The following ERBB4 variants were observed in gnomAD, a reference collection of about 807,000 sequenced individuals.
The protein encoded by ERBB4 is receptor tyrosine-protein kinase erbB-4.
A neutral mutation model predicts 158.0 loss-of-function variants in ERBB4; 42 were observed. The ratio of observed to expected loss-of-function variants is 0.27; its 90% CI spans 0.21 to 0.34. The LOEUF (loss-of-function observed/expected upper bound fraction) is 0.34, where lower values mean the gene tolerates loss of function less well. Ranked by LOEUF, ERBB4 falls within the 10% of genes least tolerant of loss-of-function variation. ERBB4 has a pLI of 1.00. For missense variants in ERBB4, 1,333 were observed against 1,624.1 expected, an observed-to-expected ratio of 0.82 and a Z score of 3.08; for synonymous variants, 583 against 558.7, an observed-to-expected ratio of 1.04 and a Z score of -0.61.
chr2:211,736,921 TA>T (rs899944120), intron 5 of ERBB4, among the ~76,000 whole-genome samples: 5 of 152,074 alleles, frequency 3.3e-5, no homozygotes, highest in African/African-American at 4.8e-5. Context: ...AATATATTGA[TA>T]AAAAAATTAT....
At chr2:211,888,646 T>C (rs2078870750) in intron 3 of ERBB4, among the ~76,000 whole-genome samples, 1 of 152,100 alleles carries the variant, frequency 6.6e-6, no homozygotes, top group Non-Finnish European at 1.5e-5. Context: ...ACCGGGTTTC[T>C]CTCACTAGGG....
At chr2:211,979,162 A>G (rs1171761450) in intron 2 of ERBB4, among the ~76,000 whole-genome samples, 4 of 152,184 alleles carry the variant, frequency 2.6e-5, no homozygotes, top group Non-Finnish European at 5.9e-5. Flanking sequence ...TCTCCACAGT[A>G]TATGAATATC....
rs192486409 is a variant in ERBB4, at chr2:211,808,175, G to C, written c.422-20016C>G. 2.0e-5 allele frequency among the ~76,000 whole-genome samples: 3 copies of C among 152,118 alleles called. No individual in the cohort carries two copies. The East Asian group carries it at 5.8e-4, about 29-fold the overall frequency. On this transcript the variant is annotated intron_variant, in intron 3 of 27. Transcript: ENST00000342788. Reference sequence around the variant, plus strand: ...TTTGGCCTTTATTGCCATTGTTTTTGGTGTTTTAGACATGAAGTCCTTGCC... The same window carrying C: ...TTTGGCCTTTATTGCCATTGTTTTTCGTGTTTTAGACATGAAGTCCTTGCC...
intron 26 of ERBB4, 127 bp from the exon 27 acceptor site, chr2:211,387,277 T>C (rs1027420728): frequency 3.2e-5 from 26 of 819,576 alleles, no homozygotes; most frequent in South Asian, 1.4e-4. Flanking sequence ...ACTGGTTTTT[T>C]TTCCCCTAGT....
intron 1 of ERBB4, among the ~76,000 whole-genome samples, chr2:212,384,219 A>C (rs1269723419): frequency 6.6e-6 from 1 of 151,642 alleles, no homozygotes; most frequent in Non-Finnish European, 1.5e-5. Flanking sequence ...AGTTTATGAG[A>C]ACAATTTAAG....
rs147228275 is a variant in ERBB4, at chr2:212,055,260, G to A, written c.234+69492C>T. Among the ~76,000 whole-genome samples the A allele has an allele frequency of 9.1e-3, 1,380 of 152,292 alleles. 27 individuals carry two copies. Among genetic ancestry groups the A allele is most frequent in the African/African-American group, 0.031 (1,300 of 41,566 alleles). On this transcript the variant is annotated intron_variant, in intron 2 of 27. Transcript: ENST00000342788. ...CAGTGAGTCTGGGGAAGGGGTGCCC[G>A]CCATTGCTGAGGCTTGAGTAGGTAA...
intron 6 of ERBB4, 137 bp from the exon 7 acceptor site, chr2:211,722,671 T>C (rs1311700533): frequency 7.4e-6 from 7 of 947,514 alleles, no homozygotes; most frequent in Non-Finnish European, 1.1e-5. Context: ...AAGAGTCATG[T>C]GTGTTTCCAA....
intron 3 of ERBB4, among the ~76,000 whole-genome samples, chr2:211,873,360 C>G (rs1163472607): frequency 6.7e-6 from 1 of 149,468 alleles, no homozygotes; most frequent in Non-Finnish European, 1.5e-5. Flanking sequence ...CTCAGAGAAG[C>G]CTTTTTAAAT....
At chr2:212,519,580 C>A (rs1433053981) in intron 1 of ERBB4, among the ~76,000 whole-genome samples, 1 of 151,838 alleles carries the variant, frequency 6.6e-6, no homozygotes, top group South Asian at 2.1e-4. Context: ...AGGATAAATA[C>A]CTAATGTAGA....
chr2:212,051,791 A>G (rs1198293345), intron 2 of ERBB4, among the ~76,000 whole-genome samples: 1 of 152,160 alleles, frequency 6.6e-6, no homozygotes, highest in Non-Finnish European at 1.5e-5. Flanking sequence ...AATAGTCTAA[A>G]TTTTATTAAC....
chr2:211,997,669 G>A (rs1207960950), intron 2 of ERBB4, among the ~76,000 whole-genome samples: 2 of 151,508 alleles, frequency 1.3e-5, no homozygotes, highest in East Asian at 3.9e-4. Context: ...CCTCTTTCCC[G>A]CTCCCTCTCC....
intron 4 of ERBB4, among the ~76,000 whole-genome samples, chr2:211,773,924 CT>C: frequency 6.6e-6 from 1 of 151,812 alleles, no homozygotes; most frequent in South Asian, 2.1e-4. Context: ...GTTGTAAACC[CT>C]ATTGTCGATA....
intron 12 of ERBB4, among the ~76,000 whole-genome samples, chr2:211,687,006 C>T (rs1345409722): frequency 1.3e-5 from 2 of 151,862 alleles, no homozygotes; most frequent in Non-Finnish European, 2.9e-5. Flanking sequence ...GGTTAAAACC[C>T]AATACTGGGC....
In ERBB4 at chr2:211,993,578, T is replaced by C. The variant is rs578156523; in HGVS notation, c.235-45962A>G. Among the ~76,000 whole-genome samples, 20 of 142,346 alleles carry C rather than the reference T, an allele frequency of 1.4e-4. No individual in the cohort carries two copies. The East Asian group carries it at 4.0e-3, about 28-fold the overall frequency. 93.4% of individuals were successfully genotyped at this position (142,346 alleles called of 152,430 possible). A position where few individuals can be genotyped will look rare whatever the true frequency, so the allele number is the denominator to read the frequency against. On this transcript the variant is annotated intron_variant, in intron 2 of 27. Coordinates refer to ENST00000342788, the MANE Select transcript of ERBB4 (RefSeq NM_005235.3). ...TTTAAGAGACTTCCCCAAATTGCTA[T>C]TTTTTTTTTCATCCTAGATAAGATA...
intron 26 of ERBB4, 69 bp from the exon 27 acceptor site, chr2:211,387,219 G>T: frequency 1.6e-6 from 2 of 1,217,146 alleles, no homozygotes; most frequent in Non-Finnish European, 2.4e-6. Flanking sequence ...AATGTTAATA[G>T]CCACAAGGAT....
At chr2:212,029,006 A>T (rs1028575722) in intron 2 of ERBB4, among the ~76,000 whole-genome samples, 8 of 151,996 alleles carry the variant, frequency 5.3e-5, no homozygotes, top group African/African-American at 1.9e-4. Context: ...AGACATGCCC[A>T]CCAGTGCACG....
intron 1 of ERBB4, among the ~76,000 whole-genome samples, chr2:212,390,030 G>C (rs1398136736): frequency 6.6e-6 from 1 of 151,822 alleles, no homozygotes; most frequent in Non-Finnish European, 1.5e-5. Flanking sequence ...GAGAGTAAAT[G>C]ATTTTCCTCC....
intron 19 of ERBB4, among the ~76,000 whole-genome samples, chr2:211,613,071 G>A (rs2069260136): frequency 6.6e-6 from 1 of 152,010 alleles, no homozygotes; most frequent in Non-Finnish European, 1.5e-5. Context: ...AGATTTCCAT[G>A]TGGCAATATT....
At chr2:212,188,233 T>TCTCTC (rs1559691540) in intron 1 of ERBB4, among the ~76,000 whole-genome samples, 5 of 16,570 alleles carry the variant, frequency 3.0e-4, no homozygotes, top group Non-Finnish European at 4.2e-4. Context: ...TCTCTCTCTC[T>TCTCTC]CCCCCCCCCT....
Sources: allele counts gnomAD v4.1 joint callset (sites outside exome capture counted in the v4.1 genomes callset), GRCh38; gene constraint gnomAD v4.1.1; transcripts MANE v1.5; gene names NCBI Gene and HGNC (gene_info 2026-07-23, HGNC 2026-07-21).